The following ANKFN1 variants were observed in gnomAD, a reference collection of about 807,000 sequenced individuals.
ANKFN1 encodes the protein ankyrin repeat and fibronectin type-III domain-containing protein 1.
Under a neutral mutation model 108.7 loss-of-function variants are expected in ANKFN1, and 74 were observed. The ratio of observed to expected loss-of-function variants is 0.68; its 90% CI spans 0.56 to 0.83. The LOEUF (loss-of-function observed/expected upper bound fraction) is 0.83. ANKFN1 is among the 40% of genes least tolerant of loss of function. The probability of loss-of-function intolerance (pLI) is 0.00; values close to 1 mark genes in which losing one functional copy is unlikely to be tolerated. For synonymous variants in ANKFN1, 547 were observed against 516.2 expected, an observed-to-expected ratio of 1.06 and a Z score of -0.81; for missense variants, 1,505 against 1,382.3, an observed-to-expected ratio of 1.09 and a Z score of -1.41.
chr17:56,199,143 A>T (rs1001453501), intron 1 of ANKFN1, among the ~76,000 whole-genome samples: 22 of 151,756 alleles, frequency 1.4e-4, no homozygotes, highest in African/African-American at 4.8e-4. Flanking sequence ...TCTCTGCTAA[A>T]TTTTTTCCTA....
chr17:56,066,108 C>G (rs543571233), intron 4 of ANKFN1, among the ~76,000 whole-genome samples: 3 of 152,324 alleles, frequency 2.0e-5, no homozygotes, highest in South Asian at 4.1e-4. Context: ...GCTCAGTGGC[C>G]TCTTCTGATC....
rs954294550 is a variant in ANKFN1 at position 56,053,416 on chromosome 17, T to C, written c.288+7091T>C. The stretch of plus-strand genomic sequence containing the variant: ...AGAGCATACAAAGTTTGTCTTTCTG[T>C]GCCTGGCTCATTCCACTTAACATAA... On this transcript the variant is annotated intron_variant, in intron 4 of 12. Coordinates refer to the ANKFN1 transcript ENST00000635860. 6.6e-5 allele frequency among the ~76,000 whole-genome samples: 10 copies of C among 152,328 alleles called. 1 individual carries two copies. Among genetic ancestry groups the C allele is most frequent in the Admixed American group, 6.5e-4 (10 of 15,300 alleles).
At chr17:56,240,523 G>A (rs1045463589) in intron 3 of ANKFN1, among the ~76,000 whole-genome samples, 1 of 151,972 alleles carries the variant, frequency 6.6e-6, no homozygotes, top group African/African-American at 2.4e-5. Flanking sequence ...TCATGTACCT[G>A]GGCAGAATTT....
In ANKFN1 at chr17:56,311,882, C is replaced by A. The variant is rs556913873; in HGVS notation, c.54-14339C>A. Among the ~76,000 whole-genome samples, 3 of 152,252 alleles carry A rather than the reference C, an allele frequency of 2.0e-5. No individual in the cohort carries two copies. The South Asian group carries it at 6.2e-4, about 32-fold the overall frequency. ...AATCTGAAACACTTCTGGTCCCAAG[C>A]ATTTCAGAGAAGGGATACTCAACTT... On this transcript the variant is annotated intron_variant, in intron 3 of 20. Coordinates refer to ENST00000682825, the MANE Select transcript of ANKFN1 (RefSeq NM_001370326.1).
chr17:56,282,417 A>T (rs2044108482), intron 3 of ANKFN1, among the ~76,000 whole-genome samples: 1 of 152,126 alleles, frequency 6.6e-6, no homozygotes, highest in Admixed American at 6.6e-5. Context: ...ATTTATCAAA[A>T]CATTTGTTAA....
At position 56,514,195 on chromosome 17, in the gene ANKFN1, A is replaced by C. The variant is rs2051850632; in HGVS notation, c.*2926A>C. ...TTTCTAACATGCTTGATCAGCTTTC[A>C]TCATTTGTGAAAATCCTCAAAAATC... On this transcript the variant is annotated 3_prime_UTR_variant, in exon 21 of 21. Coordinates refer to ENST00000682825, the MANE Select transcript of ANKFN1 (RefSeq NM_001370326.1). Among the ~76,000 whole-genome samples the C allele has an allele frequency of 6.6e-6, 1 of 152,142 alleles. No homozygotes were observed. The highest frequency in any genetic ancestry group is 1.5e-5 in the Non-Finnish European group (1 of 68,020).
chr17:56,378,078 A>AT (rs988613481), intron 8 of ANKFN1, among the ~76,000 whole-genome samples: 1 of 152,176 alleles, frequency 6.6e-6, no homozygotes, highest in African/African-American at 2.4e-5. Flanking sequence ...ATTTGATGAC[A>AT]TTTTTTAAAA....
chr17:56,392,842 C>CTT (rs2047478816), intron 8 of ANKFN1, among the ~76,000 whole-genome samples: 1 of 152,136 alleles, frequency 6.6e-6, no homozygotes, highest in African/African-American at 2.4e-5. Flanking sequence ...TTTCAGAAAA[C>CTT]TTTCTCTAAT....
intron 4 of ANKFN1, among the ~76,000 whole-genome samples, chr17:56,126,919 GTTAAAA>G (rs1567795990): frequency 6.6e-6 from 1 of 152,188 alleles, no homozygotes; most frequent in East Asian, 1.9e-4. Context: ...TGGGGAGACA[GTTAAAA>G]TTAAATGGGA....
intron 4 of ANKFN1, among the ~76,000 whole-genome samples, chr17:56,047,996 G>A (rs993467171): frequency 6.6e-6 from 1 of 152,136 alleles, no homozygotes; most frequent in African/African-American, 2.4e-5. Flanking sequence ...CACCCCTTTA[G>A]CACCTCTGAT....
intron 1 of ANKFN1, among the ~76,000 whole-genome samples, chr17:56,159,100 AAGAAGT>A (rs1909397515): frequency 6.6e-6 from 1 of 151,732 alleles, no homozygotes. Flanking sequence ...GAGGAGGAAG[AAGAAGT>A]AGAAGAAGAG....
chr17:56,186,999 CAGT>C (rs1166615201), intron 1 of ANKFN1, among the ~76,000 whole-genome samples: 6 of 152,164 alleles, frequency 3.9e-5, no homozygotes, highest in Non-Finnish European at 7.4e-5. Flanking sequence ...AAAACCTAGG[CAGT>C]ACCATTCAGG....
At chr17:56,212,873 C>T (rs75875452) in intron 2 of ANKFN1, among the ~76,000 whole-genome samples, 194 bp downstream of exon 2, 27 of 152,254 alleles carry the variant, frequency 1.8e-4, no homozygotes, top group East Asian at 1.2e-3. Flanking sequence ...AATAACACAA[C>T]GTTGGTCTCA....
At chr17:56,326,693 A>C (rs11079220) in intron 4 of ANKFN1, among the ~76,000 whole-genome samples, 1 of 152,088 alleles carries the variant, frequency 6.6e-6, no homozygotes, top group Non-Finnish European at 1.5e-5. Flanking sequence ...GTTTTGTTGT[A>C]TAAAATCATT....
At chr17:56,434,474 T>A (rs1203638053) in intron 8 of ANKFN1, among the ~76,000 whole-genome samples, 1 of 152,044 alleles carries the variant, frequency 6.6e-6, no homozygotes, top group Non-Finnish European at 1.5e-5. Flanking sequence ...AAATTTAATT[T>A]GGGGAAAAAA....
At chr17:56,418,819 A>G (rs1019549534) in intron 8 of ANKFN1, among the ~76,000 whole-genome samples, 2 of 151,732 alleles carry the variant, frequency 1.3e-5, no homozygotes, top group East Asian at 1.9e-4. Flanking sequence ...AAAAAAAATC[A>G]CAAGAAACCA....
chr17:56,270,943 C>T (rs78548504), intron 3 of ANKFN1, among the ~76,000 whole-genome samples: 2,565 of 152,090 alleles, frequency 0.017, 79 homozygotes, highest in African/African-American at 0.06. Context: ...GTTTAATTTT[C>T]TTCTTAGCAC....
At chr17:56,206,833 G>A (rs760294313) in intron 1 of ANKFN1, 33 of 152,312 alleles carry the variant, frequency 2.2e-4, no homozygotes, top group Non-Finnish European at 3.8e-4. Flanking sequence ...TACTTGCAAA[G>A]TTAAGAAATT....
At chr17:56,258,425 T>C (rs1279861860) in intron 3 of ANKFN1, 1 of 152,104 alleles carries the variant, frequency 6.6e-6, no homozygotes, top group Non-Finnish European at 1.5e-5. Context: ...TCCCATAAGG[T>C]GTGAGGGTTT....
Sources: allele counts gnomAD v4.1 joint callset (sites outside exome capture counted in the v4.1 genomes callset), GRCh38; gene constraint gnomAD v4.1.1; transcripts MANE v1.5; gene names NCBI Gene and HGNC (gene_info 2026-07-23, HGNC 2026-07-21).